TTLL9: variants seen among roughly 807,000 people sequenced by gnomAD.
TTLL9 encodes the protein probable tubulin polyglutamylase TTLL9.
In TTLL9, 47 loss-of-function variants were observed where a neutral mutation model predicts 65.6. That is an observed-to-expected ratio of 0.72 (90% CI 0.57 to 0.91). The LOEUF (loss-of-function observed/expected upper bound fraction) is 0.91. TTLL9 is among the 40% of genes least tolerant of loss of function. The probability of loss-of-function intolerance (pLI) is 0.00; values close to 1 mark genes in which losing one functional copy is unlikely to be tolerated. For missense variants in TTLL9, 537 were observed against 568.8 expected (o/e 0.94, Z 0.57); for synonymous variants, 179 against 204.8 (o/e 0.87, Z 1.07).
At chr20:31,934,292 C>T in intron 11 of TTLL9, 1 of 512,768 alleles carries the variant, frequency 2.0e-6, no homozygotes. Context: ...GTCCCCAGCT[C>T]ACACCTGTTC....
chr20:31,873,345 G>A (rs777816468), intron 2 of TTLL9, among the ~76,000 whole-genome samples: 5 of 152,110 alleles, frequency 3.3e-5, no homozygotes, highest in Non-Finnish European at 5.9e-5. Flanking sequence ...CCCGACCCAT[G>A]GATGCTGTAA....
intron 2 of TTLL9, chr20:31,879,814 G>C (rs1316356842): frequency 6.5e-7 from 1 of 1,548,142 alleles, no homozygotes; most frequent in Non-Finnish European, 8.7e-7. Context: ...CTGTCGCCTT[G>C]GCAACGGGAC....
At chr20:31,874,568 C>G (rs984246974) in intron 2 of TTLL9, among the ~76,000 whole-genome samples, 95 of 152,052 alleles carry the variant, frequency 6.2e-4, no homozygotes, top group African/African-American at 2.2e-3. Context: ...CCCACCCATG[C>G]CTGGCTAATT....
At chr20:31,938,836 C>T (rs1439093618) in intron 13 of TTLL9, among the ~76,000 whole-genome samples, 1 of 152,116 alleles carries the variant, frequency 6.6e-6, no homozygotes, top group Non-Finnish European at 1.5e-5. Flanking sequence ...AAGATTGTGC[C>T]ATTGCACTCC....
intron 4 of TTLL9, 139 bp downstream of exon 4, chr20:31,898,704 A>G: frequency 4.6e-6 from 3 of 656,706 alleles, no homozygotes; most frequent in Non-Finnish European, 5.4e-6. Context: ...AGCACCCACA[A>G]TGTGCCAGGC....
chr20:31,938,304 C>A (rs1390788927), intron 13 of TTLL9: 3 of 431,948 alleles, frequency 6.9e-6, no homozygotes, highest in Non-Finnish European at 1.4e-5. Context: ...TGGGGTCAAC[C>A]CCATGTGAGC....
At chr20:31,901,666 C>A (rs1161445830) in intron 4 of TTLL9, among the ~76,000 whole-genome samples, 12 of 152,210 alleles carry the variant, frequency 7.9e-5, no homozygotes, top group East Asian at 1.9e-4. Context: ...CTCTTCCCAA[C>A]CTCAGGGCCC....
At chr20:31,885,890 T>C (rs1226400940) in intron 2 of TTLL9, among the ~76,000 whole-genome samples, 2 of 152,254 alleles carry the variant, frequency 1.3e-5, no homozygotes, top group Non-Finnish European at 2.9e-5. Context: ...GTGCTCCATG[T>C]GGCCTGGAGG....
At chr20:31,921,259 A>G (rs2063812057) in intron 7 of TTLL9, among the ~76,000 whole-genome samples, 1 of 152,230 alleles carries the variant, frequency 6.6e-6, no homozygotes, top group Non-Finnish European at 1.5e-5. Flanking sequence ...AATGCAAATC[A>G]AAACCACAAT....
intron 6 of TTLL9, among the ~76,000 whole-genome samples, chr20:31,918,956 C>A (rs1278474576): frequency 6.6e-6 from 1 of 152,120 alleles, no homozygotes; most frequent in Non-Finnish European, 1.5e-5. Flanking sequence ...CCACACCTGG[C>A]AGCCCTGCAT....
intron 11 of TTLL9, chr20:31,934,304 C>T (rs2064070171): frequency 5.9e-6 from 3 of 512,588 alleles, no homozygotes; most frequent in Non-Finnish European, 1.1e-5. Context: ...CACCTGTTCC[C>T]TTCTCTTCCC....
chr20:31,876,664 A>G (rs1049384922), intron 2 of TTLL9, among the ~76,000 whole-genome samples: 6 of 152,176 alleles, frequency 3.9e-5, no homozygotes, highest in African/African-American at 1.4e-4. Context: ...ATGTGGGCCT[A>G]TAAGATATCG....
intron 8 of TTLL9, among the ~76,000 whole-genome samples, chr20:31,924,609 A>G (rs969348153): frequency 4.8e-5 from 7 of 145,938 alleles, no homozygotes; most frequent in African/African-American, 1.8e-4. Context: ...TTTTGAGACC[A>G]TGTCTTGCTC....
chr20:31,895,518 T>A (rs1428245552), intron 3 of TTLL9, among the ~76,000 whole-genome samples: 1 of 152,264 alleles, frequency 6.6e-6, no homozygotes, highest in Non-Finnish European at 1.5e-5. Context: ...TGACCTTTCC[T>A]GGCTCTGTAT....
intron 6 of TTLL9, among the ~76,000 whole-genome samples, chr20:31,915,106 G>A (rs547654030): frequency 1.4e-4 from 21 of 152,304 alleles, no homozygotes; most frequent in African/African-American, 4.8e-4. Flanking sequence ...ATGTGATGTC[G>A]AAATCACTGT....
At chr20:31,940,874 T>C (rs1201507954) in intron 14 of TTLL9, 2 of 152,242 alleles carry the variant, frequency 1.3e-5, no homozygotes, top group African/African-American at 4.8e-5. Flanking sequence ...AAAGTCATTC[T>C]GCTACAATCA....
At chr20:31,884,508 T>C (rs779649073) in intron 2 of TTLL9, among the ~76,000 whole-genome samples, 23 of 152,294 alleles carry the variant, frequency 1.5e-4, no homozygotes, top group Non-Finnish European at 2.6e-4. Context: ...ATTACAGGTG[T>C]GAGCCACCGA....
intron 4 of TTLL9, among the ~76,000 whole-genome samples, chr20:31,902,723 A>G (rs2063496057): frequency 6.6e-6 from 1 of 152,088 alleles, no homozygotes; most frequent in African/African-American, 2.4e-5. Context: ...TGACTGGGTG[A>G]TATGATAACT....
chr20:31,873,790 AAG>A (rs768923089), intron 2 of TTLL9, among the ~76,000 whole-genome samples: 4 of 117,208 alleles, frequency 3.4e-5, no homozygotes, highest in Non-Finnish European at 5.6e-5. Flanking sequence ...AAGAAAAAGA[AAG>A]AAAGGAAGGA....
Sources: gnomAD v4.1 joint callset for allele counts (sites outside exome capture counted in the v4.1 genomes callset) on GRCh38, gnomAD v4.1.1 for gene constraint, MANE v1.5 for transcripts, NCBI Gene and HGNC (gene_info 2026-07-23, HGNC 2026-07-21) for gene names.